The following DDX23 variants were observed in gnomAD, a reference collection of about 807,000 sequenced individuals.
DDX23 encodes the protein DEAD-box helicase 23.
A neutral mutation model predicts 102.7 loss-of-function variants in DDX23; 33 were observed. The observed-to-expected ratio is 0.32, with a 90% CI of 0.24 to 0.43. The LOEUF is 0.43. Ranked by LOEUF, DDX23 falls within the 20% of genes least tolerant of loss-of-function variation. The probability of loss-of-function intolerance (pLI) is 1.00; values close to 1 mark genes in which losing one functional copy is unlikely to be tolerated. For missense variants in DDX23, 549 were observed against 1,086.6 expected, an observed-to-expected ratio of 0.51 and a Z score of 6.96; for synonymous variants, 352 against 376.0, an observed-to-expected ratio of 0.94 and a Z score of 0.74.
chr12:48,844,504 C>T (rs1354385990), intron 2 of DDX23, among the ~76,000 whole-genome samples: 1 of 152,068 alleles, frequency 6.6e-6, no homozygotes, highest in Non-Finnish European at 1.5e-5. Flanking sequence ...CTCTCAAACT[C>T]CTCACCTCAA....
Position 48,832,348 on chromosome 12 carries a change from G to A in DDX23, c.1955+74C>T. The A allele has an allele frequency of 6.3e-7, 1 of 1,582,642 alleles. No individual in the cohort carries two copies. The highest frequency in any genetic ancestry group is 8.6e-7 in the Non-Finnish European group (1 of 1,159,220). On this transcript the variant is annotated intron_variant, in intron 14 of 16. Transcript: ENST00000308025. The surrounding 1 kb of genome is among the most constrained non-coding windows in gnomAD (Gnocchi z 4.4). ...CACAGCAGAGCAATTGCCCTGCCCT[G>A]CACCTGCACTAAAAAAGTTCTCAGA...
At chr12:48,843,643 G>T (rs1938612500) in intron 3 of DDX23, among the ~76,000 whole-genome samples, 1 of 150,674 alleles carries the variant, frequency 6.6e-6, no homozygotes, top group Non-Finnish European at 1.5e-5. Flanking sequence ...CCGCCTCCCG[G>T]GTTCACGCCA....
chr12:48,830,733 C>T lies in DDX23; in HGVS notation c.2240-41G>A. 14 of 1,544,374 alleles carry T rather than the reference C, an allele frequency of 9.1e-6. No individual in the cohort carries two copies. Among genetic ancestry groups the T allele is most frequent in the Non-Finnish European group, 1.2e-5 (14 of 1,141,530 alleles). On this transcript the variant is annotated intron_variant, in intron 16 of 16. Coordinates refer to ENST00000308025, the MANE Select transcript of DDX23 (RefSeq NM_004818.3). This position sits in a 1 kb window ranked among gnomAD's most constrained non-coding sequence, Gnocchi z 4.9. Reference sequence around the variant, plus strand: ...AACGTCACTCAGCATAGCCCAGATGCCCTGGGGAGCCGTGTCTGATGCCTC... The same window carrying T: ...AACGTCACTCAGCATAGCCCAGATGTCCTGGGGAGCCGTGTCTGATGCCTC...
rs376795293 is a variant in DDX23 at position 48,841,097 on chromosome 12, GTA to G, written c.321-993_321-992del. On this transcript the variant is annotated intron_variant, in intron 3 of 16. Transcript: ENST00000308025. Reference sequence around the variant, plus strand: ...ACTTTCAGGGCCTGATAAGAACTCTGTATACAGGCCAGGCACAATGGCTCACG... The same window carrying G: ...ACTTTCAGGGCCTGATAAGAACTCTGTACAGGCCAGGCACAATGGCTCACG... Among the ~76,000 whole-genome samples, 20 of 152,046 alleles carry G rather than the reference GTA, an allele frequency of 1.3e-4. No individual in the cohort carries two copies. In the East Asian group the frequency reaches 3.9e-3, roughly 30 times the overall value.
intron 15 of DDX23, 183 bp downstream of exon 15, chr12:48,831,895 G>C: frequency 1.6e-6 from 1 of 610,498 alleles, no homozygotes; most frequent in Non-Finnish European, 2.9e-6. Flanking sequence ...CAGACAGGGG[G>C]TCCCAGCAAT....
intron 1 of DDX23, among the ~76,000 whole-genome samples, chr12:48,846,446 A>G (rs1938669055): frequency 6.6e-6 from 1 of 152,226 alleles, no homozygotes; most frequent in Non-Finnish European, 1.5e-5. Flanking sequence ...AGGATCAGTT[A>G]GCACTCATAC....
At chr12:48,844,574 C>T (rs576805796) in intron 2 of DDX23, among the ~76,000 whole-genome samples, 2 of 151,928 alleles carry the variant, frequency 1.3e-5, no homozygotes, top group African/African-American at 2.4e-5. Context: ...CCACCGCGCC[C>T]GGCCACAGAT....
At chr12:48,851,749 T>A (rs1938763375) in intron 1 of DDX23, among the ~76,000 whole-genome samples, 2 of 152,186 alleles carry the variant, frequency 1.3e-5, no homozygotes, top group South Asian at 4.1e-4. Context: ...ATGGACTGAC[T>A]GCGAGAGAAA....
chr12:48,835,483 G>A (rs146348569), intron 11 of DDX23, among the ~76,000 whole-genome samples: 1 of 152,280 alleles, frequency 6.6e-6, no homozygotes, highest in African/African-American at 2.4e-5. Context: ...GCTGAGGCAG[G>A]CAGATCACTT....
In DDX23 at chr12:48,838,067, G is replaced by C; in HGVS notation, c.494C>G (p.Ser165Cys). The C allele has an allele frequency of 1.2e-6, 2 of 1,614,210 alleles. No individual in the cohort carries two copies. The highest frequency in any genetic ancestry group is 1.7e-6 in the Non-Finnish European group (2 of 1,180,050). Residue 165 changes from serine (S) to cysteine (C), a missense_variant, in exon 6 of 17, where the codon TCT becomes TGT. Ser to Cys is a moderately radical substitution (Grantham distance 112). Transcript: ENST00000308025. ...AGCTTCAGCCTCTCGTTCTGCTTTA[G>C]AGAGGAACTTGGGCTACAAAAGAGA... ...EEAEAKPKFL[S>C]KAEREAEALK...
chr12:48,837,104 C>CT, intron 8 of DDX23, 67 bp from the exon 9 acceptor site: 2 of 1,602,164 alleles, frequency 1.2e-6, no homozygotes, highest in South Asian at 2.2e-5. Flanking sequence ...GAAGGGCAGA[C>CT]TACTAGTATG....
chr12:48,849,046 G>A (rs756678183), intron 1 of DDX23, among the ~76,000 whole-genome samples: 5 of 151,902 alleles, frequency 3.3e-5, no homozygotes, highest in African/African-American at 4.8e-5. Context: ...CACCATGCCC[G>A]GCCCCAACTA....
At position 48,852,162 on chromosome 12, in the gene DDX23, A is replaced by C. The variant is rs2137501525; in HGVS notation, c.-79T>G. 6.5e-6 allele frequency: 1 copy of C among 152,842 alleles called. No homozygotes were observed. Among genetic ancestry groups the C allele is most frequent in the Non-Finnish European group, 1.5e-5 (1 of 68,604 alleles). The allele number at this position is 152,842 out of a possible 1,614,324, so 9.5% of individuals were successfully genotyped here. On this transcript the variant is annotated 5_prime_UTR_variant, in exon 1 of 17. Transcript: ENST00000308025. ...TCTTTCCCGTTTCCTGGTCGCGGAG[A>C]TGAACACCCCCCACCCCCCCGGCCG...
rs1938472475 is a variant in DDX23 at position 48,836,809 on chromosome 12, G to A, written c.1011-15C>T. ...GGAGTCTTGCCCTGGAGCAGGGTGT[G>A]AGGAGTAAGTAGAATCAGTGCCCTC... On this transcript the variant is annotated splice_polypyrimidine_tract_variant and intron_variant, in intron 9 of 16. Coordinates refer to ENST00000308025, the MANE Select transcript of DDX23 (RefSeq NM_004818.3). This position sits in a 1 kb window ranked among gnomAD's most constrained non-coding sequence, Gnocchi z 6.1. The A allele has an allele frequency of 6.2e-7, 1 of 1,613,396 alleles. No individual in the cohort carries two copies. The highest frequency in any genetic ancestry group is 8.5e-7 in the Non-Finnish European group (1 of 1,179,506).
At chr12:48,834,643 A>G in intron 11 of DDX23, 146 bp from the exon 12 acceptor site, 1 of 774,176 alleles carries the variant, frequency 1.3e-6, no homozygotes. Flanking sequence ...CTTAAAAATC[A>G]GAGGCCAGGG....
At chr12:48,847,661 C>G (rs994194573) in intron 1 of DDX23, among the ~76,000 whole-genome samples, 1 of 151,734 alleles carries the variant, frequency 6.6e-6, no homozygotes, top group African/African-American at 2.4e-5. Context: ...AAACCCATCT[C>G]TACTAAAAAT....
chr12:48,831,109 C>T (rs750208312), intron 16 of DDX23, 33 bp downstream of exon 16: 1 of 1,612,696 alleles, frequency 6.2e-7, no homozygotes, highest in Non-Finnish European at 8.5e-7. Flanking sequence ...TCTGACTTCA[C>T]CCTGGATTGA....
At chr12:48,841,931 G>A (rs1303166738) in intron 3 of DDX23, among the ~76,000 whole-genome samples, 1 of 152,110 alleles carries the variant, frequency 6.6e-6, no homozygotes, top group Non-Finnish European at 1.5e-5. Context: ...CATCGTCTGA[G>A]ATGTGGGGAG....
chr12:48,838,255 CAT>C (rs751476285), intron 5 of DDX23, among the ~76,000 whole-genome samples, 175 bp from the exon 6 acceptor site: 6 of 152,202 alleles, frequency 3.9e-5, no homozygotes, highest in African/African-American at 4.8e-5. Context: ...CTACAGAATT[CAT>C]ATGTTTTTTC....
Sources: gnomAD v4.1 joint callset for allele counts (sites outside exome capture counted in the v4.1 genomes callset) on GRCh38, gnomAD v4.1.1 for gene constraint, Gnocchi (gnomAD v3.1) non-coding constraint, MANE v1.5 for transcripts, NCBI Gene and HGNC (gene_info 2026-07-23, HGNC 2026-07-21) for gene names.